OSBP2: variants seen among roughly 807,000 people sequenced by gnomAD.
OSBP2 encodes oxysterol binding protein 2.
In OSBP2, 66 loss-of-function variants were observed where a neutral mutation model predicts 96.0. The observed-to-expected ratio is 0.69, with a 90% CI of 0.56 to 0.84. The LOEUF is 0.84. OSBP2 is among the 40% of genes least tolerant of loss of function. OSBP2 has a pLI of 0.00. For synonymous variants in OSBP2, 525 were observed against 520.9 expected (o/e 1.01, Z -0.11); for missense variants, 1,038 against 1,222.7 (o/e 0.85, Z 2.25).
At chr22:30,887,641 G>A (rs1302468347) in intron 4 of OSBP2, 23 bp downstream of exon 4, 3 of 1,554,948 alleles carry the variant, frequency 1.9e-6, no homozygotes, top group South Asian at 2.3e-5. Context: ...CCAGGGCAGG[G>A]CTGTCCCATG....
At chr22:30,741,889 G>A (rs566841746) in intron 2 of OSBP2, among the ~76,000 whole-genome samples, 9 of 150,052 alleles carry the variant, frequency 6.0e-5, no homozygotes, top group African/African-American at 2.0e-4. Flanking sequence ...GCATGATCTC[G>A]GCTCACTGCA....
At chr22:30,717,084 C>CTGTT (rs2089469485) in intron 1 of OSBP2, among the ~76,000 whole-genome samples, 1 of 72,380 alleles carries the variant, frequency 1.4e-5, no homozygotes, top group Admixed American at 1.8e-4. Flanking sequence ...TTTAATTTTA[C>CTGTT]TGTTTTTGTG....
intron 2 of OSBP2, among the ~76,000 whole-genome samples, chr22:30,742,409 CA>C (rs765469159): frequency 0.059 from 7,744 of 130,572 alleles, 624 homozygotes; most frequent in African/African-American, 0.2. Context: ...GACTCTGTCT[CA>C]AAAAAAAAAA....
intron 2 of OSBP2, among the ~76,000 whole-genome samples, chr22:30,822,990 C>G (rs2038315521): frequency 6.6e-6 from 1 of 152,258 alleles, no homozygotes; most frequent in Admixed American, 6.5e-5. Context: ...TAATCTATAT[C>G]TTTATGAAAA....
At chr22:30,750,441 CAA>C (rs1353729589) in intron 2 of OSBP2, among the ~76,000 whole-genome samples, 1 of 152,048 alleles carries the variant, frequency 6.6e-6, no homozygotes, top group Non-Finnish European at 1.5e-5. Context: ...CCCATGTAAA[CAA>C]AAAATTAAAA....
chr22:30,745,088 C>T (rs2089981603), intron 2 of OSBP2, among the ~76,000 whole-genome samples: 1 of 151,956 alleles, frequency 6.6e-6, no homozygotes, highest in African/African-American at 2.4e-5. Context: ...GATGAAATCA[C>T]AAGGGAAATT....
chr22:30,757,162 C>G (rs1484124732), intron 2 of OSBP2, among the ~76,000 whole-genome samples: 3 of 152,118 alleles, frequency 2.0e-5, no homozygotes, highest in Non-Finnish European at 4.4e-5. Flanking sequence ...CAGGGACGTC[C>G]TTGCTACTCT....
chr22:30,794,914 C>CTTT (rs74541007), intron 2 of OSBP2, among the ~76,000 whole-genome samples: 3 of 143,384 alleles, frequency 2.1e-5, no homozygotes, highest in Admixed American at 7.0e-5. Flanking sequence ...TATATAACTA[C>CTTT]TTTTTTTTTT....
In OSBP2 at chr22:30,695,354, C is replaced by T; in HGVS notation, c.445C>T (p.Pro149Ser). Residue 149 changes from proline (P) to serine (S), a missense_variant, in exon 1 of 14, where the codon CCC becomes TCC. By Grantham distance (74) the Pro-to-Ser change is moderately conservative. This residue lies in a region of OSBP2 where 281 missense variants were observed against 273.4 expected (regional missense o/e 1.03). Coordinates refer to ENST00000332585, the MANE Select transcript of OSBP2 (RefSeq NM_030758.4). ...GTCAGGATCGCTGCCAGCGTTAAAG[C>T]CCCTGCCTCTTCTGCGACCAGGACA... is the stretch of plus-strand genomic sequence containing the variant. ...PESGSLPALK[P>S]LPLLRPGQAK... The T allele has an allele frequency of 6.2e-7, 1 of 1,613,810 alleles. No individual in the cohort carries two copies. Among genetic ancestry groups the T allele is most frequent in the Non-Finnish European group, 8.5e-7 (1 of 1,180,042 alleles).
At chr22:30,885,468 C>T (rs1462393029) in intron 3 of OSBP2, among the ~76,000 whole-genome samples, 1 of 152,144 alleles carries the variant, frequency 6.6e-6, no homozygotes, top group Non-Finnish European at 1.5e-5. Context: ...CATCTGTGGA[C>T]CTGGGAAGCT....
At chr22:30,722,983 A>G (rs2089578293) in intron 1 of OSBP2, among the ~76,000 whole-genome samples, 2 of 151,538 alleles carry the variant, frequency 1.3e-5, no homozygotes, top group African/African-American at 4.9e-5. Flanking sequence ...ACAGGATCTC[A>G]CTATATTGCC....
chr22:30,818,758 G>A (rs773638286), intron 2 of OSBP2, among the ~76,000 whole-genome samples: 1 of 152,230 alleles, frequency 6.6e-6, no homozygotes, highest in Non-Finnish European at 1.5e-5. Flanking sequence ...GGAAGTGGGA[G>A]CCCAGCTTCT....
At chr22:30,792,992 A>G (rs2090698819) in intron 2 of OSBP2, among the ~76,000 whole-genome samples, 1 of 152,256 alleles carries the variant, frequency 6.6e-6, no homozygotes, top group Non-Finnish European at 1.5e-5. Flanking sequence ...TTAATCCAAG[A>G]CTATCTGATT....
At position 30,730,815 on chromosome 22, in the gene OSBP2, T is replaced by A. The variant is rs1217975267; in HGVS notation, c.645-10346T>A. Among the ~76,000 whole-genome samples, 77 of 115,196 alleles carry A rather than the reference T, an allele frequency of 6.7e-4. 2 individuals carry two copies. The highest frequency in any genetic ancestry group is 1.5e-3 in the East Asian group (6 of 3,956). The allele number at this position is 115,196 out of a possible 152,430, so 75.6% of individuals were successfully genotyped here. A position where few individuals can be genotyped will look rare whatever the true frequency, so the allele number is the denominator to read the frequency against. On this transcript the variant is annotated intron_variant, in intron 1 of 13. Coordinates refer to ENST00000332585, the MANE Select transcript of OSBP2 (RefSeq NM_030758.4). ...ATATATATATATATATATAATTTTTTTTTTTTTTCCCATGGACATTTTTGG... is the reference window on the plus strand; with the variant it reads ...ATATATATATATATATATAATTTTTATTTTTTTTCCCATGGACATTTTTGG...
chr22:30,839,754 A>C (rs951487420), intron 2 of OSBP2, among the ~76,000 whole-genome samples: 109 of 151,854 alleles, frequency 7.2e-4, no homozygotes, highest in Non-Finnish European at 1.3e-3. Context: ...CCTTTGTCAG[A>C]TGAGTAGGTT....
chr22:30,828,924 C>G (rs2038462916), intron 2 of OSBP2, among the ~76,000 whole-genome samples: 1 of 152,130 alleles, frequency 6.6e-6, no homozygotes, highest in African/African-American at 2.4e-5. Context: ...CTGGAAGGGC[C>G]TGGAGGGAAA....
chr22:30,812,254 C>T (rs751135704), intron 2 of OSBP2, among the ~76,000 whole-genome samples: 1 of 152,178 alleles, frequency 6.6e-6, no homozygotes, highest in Non-Finnish European at 1.5e-5. Flanking sequence ...CAACCTCCTG[C>T]TTCCAGGTTC....
At chr22:30,821,476 C>G (rs992245784) in intron 2 of OSBP2, among the ~76,000 whole-genome samples, 2 of 152,090 alleles carry the variant, frequency 1.3e-5, no homozygotes, top group Non-Finnish European at 2.9e-5. Context: ...ATCTAAGAGA[C>G]GGAGAAGTCA....
chr22:30,697,913 G>A (rs540058189), intron 1 of OSBP2, among the ~76,000 whole-genome samples: 1 of 152,298 alleles, frequency 6.6e-6, no homozygotes, highest in East Asian at 1.9e-4. Flanking sequence ...CCCCAGAGAC[G>A]GCCAGCTTGC....
Sources: gnomAD v4.1 joint callset for allele counts (sites outside exome capture counted in the v4.1 genomes callset) on GRCh38, gnomAD v4.1.1 for gene constraint, gnomAD v4.1.1 regional missense constraint, MANE v1.5 for transcripts, NCBI Gene and HGNC (gene_info 2026-07-23, HGNC 2026-07-21) for gene names.